Variants in FSTL5 observed in about 807,000 individuals in gnomAD.
The protein encoded by FSTL5 is follistatin-related protein 5.
Under a neutral mutation model 89.1 loss-of-function variants are expected in FSTL5, and 62 were observed. That is an observed-to-expected ratio of 0.70 (90% CI 0.57 to 0.86). The LOEUF is 0.86. FSTL5 is among the 40% of genes least tolerant of loss of function. The pLI is 0.00. For synonymous variants in FSTL5, 383 were observed against 346.2 expected (o/e 1.11, Z -1.18); for missense variants, 1,057 against 1,001.6 (o/e 1.06, Z -0.75).
At chr4:161,861,366 G>C (rs1731910237) in intron 4 of FSTL5, among the ~76,000 whole-genome samples, 1 of 152,188 alleles carries the variant, frequency 6.6e-6, no homozygotes, top group South Asian at 2.1e-4. Context: ...AGGTGGCAGT[G>C]AGCTGAAATA....
intron 13 of FSTL5, among the ~76,000 whole-genome samples, chr4:161,460,553 T>G (rs1179797398): frequency 6.6e-6 from 1 of 152,180 alleles, no homozygotes; most frequent in Non-Finnish European, 1.5e-5. Context: ...TCTCAGCACA[T>G]TAGTAACAGG....
chr4:162,089,637 AAAAAAAAAAAAAAG>A (rs1174941278), intron 2 of FSTL5, among the ~76,000 whole-genome samples: 3 of 107,010 alleles, frequency 2.8e-5, no homozygotes, highest in Non-Finnish European at 6.4e-5. Context: ...TGTCTCAAAA[AAAAAAAAAAAAAAG>A]AAAAAAAAGA....
intron 7 of FSTL5, among the ~76,000 whole-genome samples, chr4:161,606,240 ATT>A (rs71598720): frequency 0.024 from 2,843 of 117,756 alleles, 69 homozygotes; most frequent in African/African-American, 0.064. Flanking sequence ...ATTATCTGTG[ATT>A]TTTTTTTTTT....
chr4:161,754,838 G>A (rs762316467), intron 6 of FSTL5, among the ~76,000 whole-genome samples: 66 of 152,100 alleles, frequency 4.3e-4, no homozygotes, highest in Non-Finnish European at 6.5e-4. Flanking sequence ...TAAATCAGAA[G>A]TATAGTATTC....
At position 161,688,990 on chromosome 4, in the gene FSTL5, T is replaced by G. The variant is rs1374703068; in HGVS notation, c.728-32496A>C. Among the ~76,000 whole-genome samples, 3 of 152,218 alleles carry G rather than the reference T, an allele frequency of 2.0e-5. No individual in the cohort carries two copies. In the South Asian group the frequency reaches 6.2e-4, roughly 31 times the overall value. On this transcript the variant is annotated intron_variant, in intron 6 of 15. Transcript: ENST00000306100. ...TTAATTTCAAAATAAACAAATTACT[T>G]GAAGTCATGAATTACTTCATTTCAT...
intron 3 of FSTL5, among the ~76,000 whole-genome samples, chr4:161,986,301 G>A (rs564318821): frequency 6.6e-6 from 1 of 152,252 alleles, no homozygotes; most frequent in Admixed American, 6.5e-5. Context: ...TGTAATCCCA[G>A]CACTTTGGGA....
intron 1 of FSTL5, among the ~76,000 whole-genome samples, chr4:162,148,138 A>C (rs1325280328): frequency 6.6e-6 from 1 of 152,196 alleles, no homozygotes; most frequent in Non-Finnish European, 1.5e-5. Context: ...ACTATTCAAT[A>C]TTTAGTGAAA....
chr4:161,468,810 C>A (rs984321176), intron 13 of FSTL5, among the ~76,000 whole-genome samples: 2 of 151,646 alleles, frequency 1.3e-5, no homozygotes, highest in Non-Finnish European at 2.9e-5. Context: ...GTGTGTATAC[C>A]TTTTCTTTCA....
At chr4:161,502,226 A>G (rs556046892) in intron 11 of FSTL5, among the ~76,000 whole-genome samples, 130 of 152,048 alleles carry the variant, frequency 8.5e-4, no homozygotes, top group African/African-American at 3.1e-3. Flanking sequence ...CATATTCTAC[A>G]CAGAAAAGAG....
At chr4:161,729,777 G>C (rs1284181809) in intron 6 of FSTL5, among the ~76,000 whole-genome samples, 1 of 152,064 alleles carries the variant, frequency 6.6e-6, no homozygotes, top group African/African-American at 2.4e-5. Context: ...AATAACACTC[G>C]TTTATGATTA....
At chr4:161,502,996 G>C (rs1251928237) in intron 11 of FSTL5, among the ~76,000 whole-genome samples, 1 of 151,540 alleles carries the variant, frequency 6.6e-6, no homozygotes, top group Non-Finnish European at 1.5e-5. Context: ...CAAGTGTAGG[G>C]ATGAGAAAAT....
intron 7 of FSTL5, among the ~76,000 whole-genome samples, chr4:161,588,246 T>C (rs1391023030): frequency 1.3e-5 from 2 of 152,132 alleles, no homozygotes; most frequent in Non-Finnish European, 2.9e-5. Flanking sequence ...TCTTCTTATT[T>C]ATGGCTAAAA....
chr4:161,598,786 A>G (rs1465000925), intron 7 of FSTL5, among the ~76,000 whole-genome samples: 1 of 152,166 alleles, frequency 6.6e-6, no homozygotes, highest in Non-Finnish European at 1.5e-5. Flanking sequence ...AGACATATAG[A>G]AAATTCTAAA....
intron 7 of FSTL5, among the ~76,000 whole-genome samples, chr4:161,613,382 G>A (rs774043495): frequency 1.1e-4 from 17 of 151,852 alleles, no homozygotes; most frequent in Non-Finnish European, 1.9e-4. Flanking sequence ...CCCAGGAGGC[G>A]GAGGTTGCAG....
chr4:161,820,325 C>T (rs359135), intron 4 of FSTL5, among the ~76,000 whole-genome samples: 1 of 151,986 alleles, frequency 6.6e-6, no homozygotes, highest in Non-Finnish European at 1.5e-5. Context: ...TCAAAAATAC[C>T]ATTAAGAACT....
At chr4:161,462,574 T>A (rs1330496655) in intron 13 of FSTL5, among the ~76,000 whole-genome samples, 1 of 152,200 alleles carries the variant, frequency 6.6e-6, no homozygotes, top group African/African-American at 2.4e-5. Context: ...AATTTTTCTG[T>A]GGCTCAGTTT....
At chr4:161,437,284 G>A (rs536400577) in intron 15 of FSTL5, among the ~76,000 whole-genome samples, 2 of 151,928 alleles carry the variant, frequency 1.3e-5, no homozygotes, top group Admixed American at 1.3e-4. Context: ...ATAAAACAAC[G>A]GGCAGGGCGC....
intron 4 of FSTL5, among the ~76,000 whole-genome samples, chr4:161,808,551 G>A (rs1006048342): frequency 2.0e-5 from 3 of 151,640 alleles, no homozygotes; most frequent in South Asian, 2.1e-4. Flanking sequence ...GAAACTCTTA[G>A]AAGAAAAAAA....
chr4:162,052,996 A>G (rs1294832400), intron 2 of FSTL5, among the ~76,000 whole-genome samples: 1 of 151,810 alleles, frequency 6.6e-6, no homozygotes, highest in Non-Finnish European at 1.5e-5. Context: ...AAGAAGAGTT[A>G]CATAGGGAAT....
Sources: allele counts gnomAD v4.1 joint callset (sites outside exome capture counted in the v4.1 genomes callset), GRCh38; gene constraint gnomAD v4.1.1; transcripts MANE v1.5; gene names NCBI Gene and HGNC (gene_info 2026-07-23, HGNC 2026-07-21).